The following RRAGC variants were observed in gnomAD, a reference collection of about 807,000 sequenced individuals.
The protein encoded by RRAGC is Ras related GTP binding C.
A neutral mutation model predicts 37.1 loss-of-function variants in RRAGC; 8 were observed. The observed-to-expected ratio is 0.22, with a 90% CI of 0.13 to 0.39. RRAGC has a LOEUF of 0.39. RRAGC is among the 10% of genes least tolerant of loss of function. The pLI is 1.00. For missense variants in RRAGC, 342 were observed against 497.6 expected (o/e 0.69, Z 2.98); for synonymous variants, 190 against 181.1 (o/e 1.05, Z -0.39).
At position 38,846,487 on chromosome 1, in the gene RRAGC, C is replaced by T. The variant is rs138838425; in HGVS notation, c.900-400G>A. 1.4e-3 allele frequency: 223 copies of T among 156,094 alleles called. 1 individual carries two copies. In the East Asian group the frequency reaches 0.018, roughly 13 times the overall value. 9.7% of individuals were successfully genotyped at this position (156,094 alleles called of 1,614,324 possible). ...GGTAACAGGGACCTCTGGGACCTGCCGCCTCACTTAGATGAGCTCCTTCGA... is the reference window on the plus strand; with the variant it reads ...GGTAACAGGGACCTCTGGGACCTGCTGCCTCACTTAGATGAGCTCCTTCGA... On this transcript the variant is annotated intron_variant, in intron 5 of 6. Coordinates refer to ENST00000373001, the MANE Select transcript of RRAGC (RefSeq NM_022157.4).
chr1:38,846,851 C>T (rs910830229), intron 5 of RRAGC: 8 of 152,094 alleles, frequency 5.3e-5, no homozygotes, highest in African/African-American at 1.9e-4. Context: ...ACTTGTAATC[C>T]CAGCACTTTG....
intron 5 of RRAGC, among the ~76,000 whole-genome samples, chr1:38,848,261 A>T (rs1049210628): frequency 7.2e-5 from 11 of 152,192 alleles, no homozygotes; most frequent in Non-Finnish European, 1.6e-4. Context: ...AGAGGAAGTT[A>T]TAAGTGCTAC....
chr1:38,857,806 C>T (rs1382218657), intron 1 of RRAGC, among the ~76,000 whole-genome samples: 2 of 151,938 alleles, frequency 1.3e-5, no homozygotes, highest in African/African-American at 2.4e-5. Flanking sequence ...CTAAAAATAC[C>T]AAAATTAGTC....
In RRAGC at chr1:38,838,820, C is replaced by A. The variant is rs1469685551; in HGVS notation, c.*733G>T. 1 of 152,230 alleles carries A rather than the reference C, an allele frequency of 6.6e-6. No homozygotes were observed. The highest frequency in any genetic ancestry group is 6.5e-5 in the Admixed American group (1 of 15,278). The allele number at this position is 152,230 out of a possible 1,614,324, so 9.4% of individuals were successfully genotyped here. A position where few individuals can be genotyped will look rare whatever the true frequency, so the allele number is the denominator to read the frequency against. ...GGAAAACTTTTAATTCCCTTTGTTA[C>A]ACTGAGCATGATCATTTATCTAATG... On this transcript the variant is annotated 3_prime_UTR_variant, in exon 7 of 7. Coordinates refer to ENST00000373001, the MANE Select transcript of RRAGC (RefSeq NM_022157.4).
At position 38,845,981 on chromosome 1, in the gene RRAGC, C is replaced by T. The variant is rs752835954; in HGVS notation, c.1006G>A (p.Ala336Thr). ...LYLKEVTKFL[A>T]LVCILREESF... ...TCTTCCCTTAGAATGCAGACCAGTG[C>T]CAAAAATTTAGTCACCTCCTTTAAA... The change falls in exon 6 of 7, where the codon GCA becomes ACA. Residue 336 changes from alanine (A) to threonine (T), a missense_variant. By Grantham distance (58) the Ala-to-Thr change is moderately conservative (BLOSUM62 0). Coordinates refer to ENST00000373001, the MANE Select transcript of RRAGC (RefSeq NM_022157.4). 5 of 1,612,958 alleles carry T rather than the reference C, an allele frequency of 3.1e-6. No individual in the cohort carries two copies. In the South Asian group the frequency reaches 5.5e-5, roughly 18 times the overall value.
chr1:38,852,692 G>T (rs1418533142), intron 3 of RRAGC: 2 of 365,676 alleles, frequency 5.5e-6, no homozygotes, highest in Non-Finnish European at 9.8e-6. Context: ...ATTTACACAG[G>T]GGGCAACTGA....
At chr1:38,856,108 C>T (rs1188303383) in intron 2 of RRAGC, among the ~76,000 whole-genome samples, 1 of 152,006 alleles carries the variant, frequency 6.6e-6, no homozygotes, top group East Asian at 1.9e-4. Context: ...CAAGTTAATG[C>T]TTGTAATTTT....
In RRAGC at chr1:38,839,565, T is replaced by C. The variant is rs1365592210; in HGVS notation, c.1188A>G (p.Arg396=). Residue 396 remains arginine (R), a synonymous_variant, in exon 7 of 7, where the codon CGA becomes CGG. Transcript: ENST00000373001. ...GCTGGGATTCAGACTAGATGGCGTT[T>C]CGTGGCGTGCCATTGTGTGTCAGCG... ...LKALTHNGTP[R]NAI The C allele has an allele frequency of 1.3e-5, 21 of 1,613,986 alleles. No homozygotes were observed. Among genetic ancestry groups the C allele is most frequent in the Non-Finnish European group, 1.7e-5 (20 of 1,180,022 alleles).
At chr1:38,859,157 C>T (rs1158667520) in intron 1 of RRAGC, among the ~76,000 whole-genome samples, 2 of 152,368 alleles carry the variant, frequency 1.3e-5, no homozygotes, top group Admixed American at 6.5e-5. Flanking sequence ...AGGTCTTGGG[C>T]GGTGCCACCG....
intron 3 of RRAGC, chr1:38,852,785 T>C (rs1278998165): frequency 5.7e-6 from 1 of 174,144 alleles, no homozygotes; most frequent in East Asian, 1.5e-4. Flanking sequence ...AAAGCTTTTT[T>C]TAAGCACATA....
chr1:38,839,885 G>A (rs1026465295), intron 6 of RRAGC, among the ~76,000 whole-genome samples, 181 bp from the exon 7 acceptor site: 3 of 151,686 alleles, frequency 2.0e-5, no homozygotes, highest in South Asian at 2.1e-4. Context: ...AGTGGCTCAC[G>A]CCTGTAACCC....
chr1:38,851,492 T>C lies in RRAGC; in HGVS notation c.899+123A>G, dbSNP rs1451514145. The C allele has an allele frequency of 7.2e-6, 6 of 833,746 alleles. No homozygotes were observed. The Admixed American group carries it at 1.5e-4, about 21-fold the overall frequency. The allele number at this position is 833,746 out of a possible 1,614,324, so 51.6% of individuals were successfully genotyped here. ...CATGCTCCAAGTTAAAGCACTATGG[T>C]CAGAACAATCCCAGTTCATGTAGTA... On this transcript the variant is annotated intron_variant, in intron 5 of 6. Transcript: ENST00000373001.
chr1:38,859,489 C>T lies in RRAGC; in HGVS notation c.158G>A (p.Gly53Asp). The change falls in exon 1 of 7, where the codon GGT (glycine) becomes GAT (aspartate). Residue 53 changes from glycine (G) to aspartate (D), a missense_variant. Physicochemically the swap from Gly to Asp is moderately conservative, Grantham distance 94 (BLOSUM62 -1). Around this residue, in one of 3 missense-constraint regions of RRAGC, gnomAD observed 104 missense variants for 93.4 expected, o/e 1.11. Transcript: ENST00000373001. Reference sequence around the variant, plus strand: ...CTTGGAGCTGTCAGCGCCCCCCGGACCACAGCCACCGCCTGCCCCTGCCCC... The same window carrying T: ...CTTGGAGCTGTCAGCGCCCCCCGGATCACAGCCACCGCCTGCCCCTGCCCC... ...GVGAGAGGGC[G>D]PGGADSSKPR... The T allele has an allele frequency of 6.5e-7, 1 of 1,547,584 alleles. No homozygotes were observed. Among genetic ancestry groups the T allele is most frequent in the Non-Finnish European group, 8.7e-7 (1 of 1,146,542 alleles).
intron 6 of RRAGC, among the ~76,000 whole-genome samples, chr1:38,845,339 G>A (rs888594270): frequency 6.6e-6 from 1 of 152,166 alleles, no homozygotes; most frequent in African/African-American, 2.4e-5. Context: ...CATGGATGAA[G>A]CTGGAAACCA....
Position 38,855,911 on chromosome 1 carries a change from T to C in RRAGC, c.442-4A>G. On this transcript the variant is annotated splice_polypyrimidine_tract_variant and splice_region_variant and intron_variant, in intron 2 of 6. Coordinates refer to ENST00000373001, the MANE Select transcript of RRAGC (RefSeq NM_022157.4). ...TTAAAGCCTCCATGTAGTCATCCTG[T>C]AAGTCAGAACAAAATATTTTTTAAA... The C allele has an allele frequency of 6.2e-7, 1 of 1,602,654 alleles. No homozygotes were observed. The highest frequency in any genetic ancestry group is 8.5e-7 in the Non-Finnish European group (1 of 1,172,058).
chr1:38,853,718 G>A (rs979074275), intron 3 of RRAGC, among the ~76,000 whole-genome samples: 3 of 150,444 alleles, frequency 2.0e-5, no homozygotes, highest in Non-Finnish European at 4.4e-5. Context: ...TTGCACTCCA[G>A]CCTGGGCAAC....
At chr1:38,853,505 G>C (rs1642127122) in intron 3 of RRAGC, among the ~76,000 whole-genome samples, 1 of 152,192 alleles carries the variant, frequency 6.6e-6, no homozygotes, top group African/African-American at 2.4e-5. Flanking sequence ...CAGCACTTTG[G>C]GAGGCCAAGG....
chr1:38,859,758 C>G lies in RRAGC; in HGVS notation c.-112G>C, dbSNP rs1642218717. On this transcript the variant is annotated 5_prime_UTR_variant, in exon 1 of 7. Coordinates refer to ENST00000373001, the MANE Select transcript of RRAGC (RefSeq NM_022157.4). ...CCGCCACCACCGCCACCGCCCCCGGCAGCCGCCACAGTCCGGCCCGCCCCC... is the reference window on the plus strand; with the variant it reads ...CCGCCACCACCGCCACCGCCCCCGGGAGCCGCCACAGTCCGGCCCGCCCCC... 1.0e-6 allele frequency: 1 copy of G among 963,634 alleles called. No individual in the cohort carries two copies. The highest frequency in any genetic ancestry group is 1.3e-6 in the Non-Finnish European group (1 of 756,290). The allele number at this position is 963,634 out of a possible 1,614,324, so 59.7% of individuals were successfully genotyped here. A position where few individuals can be genotyped will look rare whatever the true frequency, so the allele number is the denominator to read the frequency against.
At chr1:38,852,187 C>T (rs1642109101) in intron 4 of RRAGC, among the ~76,000 whole-genome samples, 187 bp downstream of exon 4, 2 of 152,172 alleles carry the variant, frequency 1.3e-5, no homozygotes, top group African/African-American at 2.4e-5. Flanking sequence ...ACATCAACAT[C>T]TATTTAAGAA....
Sources: allele counts gnomAD v4.1 joint callset (sites outside exome capture counted in the v4.1 genomes callset), GRCh38; gene constraint gnomAD v4.1.1; regional missense constraint gnomAD v4.1.1; transcripts MANE v1.5; gene names NCBI Gene and HGNC (gene_info 2026-07-23, HGNC 2026-07-21).